ZNF385D: variants seen among roughly 807,000 people sequenced by gnomAD.
ZNF385D encodes the protein zinc finger protein 659.
A neutral mutation model predicts 35.8 loss-of-function variants in ZNF385D; 15 were observed. That is an observed-to-expected ratio of 0.42 (90% CI 0.28 to 0.64). The LOEUF is 0.64. ZNF385D is among the 30% of genes least tolerant of loss of function. The probability of loss-of-function intolerance (pLI) is 0.23; values close to 1 mark genes in which losing one functional copy is unlikely to be tolerated. For synonymous variants in ZNF385D, 212 were observed against 186.8 expected (o/e 1.13, Z -1.10); for missense variants, 474 against 494.6 (o/e 0.96, Z 0.39).
chr3:22,356,926 G>C (rs1260904203), intron 2 of ZNF385D, among the ~76,000 whole-genome samples: 2 of 151,858 alleles, frequency 1.3e-5, no homozygotes, highest in African/African-American at 4.8e-5. Flanking sequence ...ACTATTAAGT[G>C]AGTAAAACAT....
intron 3 of ZNF385D, among the ~76,000 whole-genome samples, chr3:22,130,008 T>C (rs1703679494): frequency 6.6e-6 from 1 of 152,118 alleles, no homozygotes; most frequent in Non-Finnish European, 1.5e-5. Context: ...TATTCAAGGC[T>C]CAAGGATTCT....
At chr3:21,874,209 A>G (rs971790292) in intron 3 of ZNF385D, among the ~76,000 whole-genome samples, 1 of 151,966 alleles carries the variant, frequency 6.6e-6, no homozygotes, top group Non-Finnish European at 1.5e-5. Flanking sequence ...AGTGTAAACA[A>G]TATTTCATTG....
chr3:22,358,396 GAACAAA>G (rs1696252841), intron 2 of ZNF385D, among the ~76,000 whole-genome samples: 1 of 151,840 alleles, frequency 6.6e-6, no homozygotes, highest in Non-Finnish European at 1.5e-5. Context: ...CTTCATTTTT[GAACAAA>G]ATGCAACTTT....
intron 3 of ZNF385D, among the ~76,000 whole-genome samples, chr3:22,032,910 G>T (rs1028076569): frequency 6.6e-6 from 1 of 152,102 alleles, no homozygotes; most frequent in African/African-American, 2.4e-5. Context: ...GCACAGAGAG[G>T]TAAAGTAACT....
intron 3 of ZNF385D, among the ~76,000 whole-genome samples, chr3:21,888,578 G>A (rs151269583): frequency 3.7e-4 from 57 of 152,124 alleles, no homozygotes; most frequent in African/African-American, 1.3e-3. Flanking sequence ...GTGTTGCTGC[G>A]GAAACAGAAG....
At chr3:22,179,229 C>T (rs1478466133) in intron 2 of ZNF385D, among the ~76,000 whole-genome samples, 1 of 152,096 alleles carries the variant, frequency 6.6e-6, no homozygotes, top group Non-Finnish European at 1.5e-5. Flanking sequence ...ATGGAATGGT[C>T]TTCCATTTGT....
chr3:21,824,533 T>G (rs1388207101), intron 3 of ZNF385D, among the ~76,000 whole-genome samples: 1 of 152,200 alleles, frequency 6.6e-6, no homozygotes, highest in African/African-American at 2.4e-5. Flanking sequence ...GCCTCATCTT[T>G]TCTTGTATAG....
At chr3:22,230,240 G>T (rs1698805965) in intron 2 of ZNF385D, among the ~76,000 whole-genome samples, 1 of 152,030 alleles carries the variant, frequency 6.6e-6, no homozygotes, top group Admixed American at 6.5e-5. Flanking sequence ...CAACAGAACT[G>T]ACCTAAACAT....
At chr3:21,875,003 T>C (rs1697889462) in intron 3 of ZNF385D, among the ~76,000 whole-genome samples, 1 of 152,020 alleles carries the variant, frequency 6.6e-6, no homozygotes, top group Non-Finnish European at 1.5e-5. Flanking sequence ...TTTATTTTGA[T>C]GTTATTTAAA....
chr3:21,781,027 C>T (rs2071468159), intron 3 of ZNF385D, among the ~76,000 whole-genome samples: 1 of 151,960 alleles, frequency 6.6e-6, no homozygotes, highest in Non-Finnish European at 1.5e-5. Flanking sequence ...TTTGGATCCC[C>T]CATAATTGAG....
chr3:21,855,333 C>G (rs1237653563), intron 3 of ZNF385D, among the ~76,000 whole-genome samples: 1 of 152,008 alleles, frequency 6.6e-6, no homozygotes, highest in African/African-American at 2.4e-5. Flanking sequence ...CTGGACCACA[C>G]AGGGAATTAA....
At chr3:22,201,676 T>C (rs1039835214) in intron 2 of ZNF385D, among the ~76,000 whole-genome samples, 15 of 152,036 alleles carry the variant, frequency 9.9e-5, no homozygotes, top group African/African-American at 3.6e-4. Flanking sequence ...TCACATTTTA[T>C]GCTGATACAT....
intron 2 of ZNF385D, among the ~76,000 whole-genome samples, chr3:21,586,015 TAAATATATTATA>T (rs1197144263): frequency 8.4e-6 from 1 of 119,386 alleles, no homozygotes; most frequent in African/African-American, 3.3e-5. Context: ...CAAAATTAAA[TAAATATATTATA>T]AATACAAATA....
chr3:22,146,088 T>A (rs1251510702), intron 3 of ZNF385D, among the ~76,000 whole-genome samples: 1 of 151,992 alleles, frequency 6.6e-6, no homozygotes, highest in Non-Finnish European at 1.5e-5. Flanking sequence ...GTGAACTGCA[T>A]CAAACACAAT....
chr3:21,961,643 AT>A (rs1377192345), intron 3 of ZNF385D: 1 of 152,116 alleles, frequency 6.6e-6, no homozygotes, highest in Admixed American at 6.6e-5. Flanking sequence ...TATTTCATTG[AT>A]TGTTACATTT....
At chr3:21,553,694 C>T (rs1393587886) in intron 3 of ZNF385D, among the ~76,000 whole-genome samples, 1 of 152,138 alleles carries the variant, frequency 6.6e-6, no homozygotes, top group African/African-American at 2.4e-5. Context: ...AAATTGGGGT[C>T]AATCCTCCCA....
At position 22,153,649 on chromosome 3, in the gene ZNF385D, A is replaced by T. The variant is rs1171479824; in HGVS notation, c.325+15168T>A. 2.6e-5 allele frequency among the ~76,000 whole-genome samples: 4 copies of T among 151,888 alleles called. No homozygotes were observed. In the East Asian group the frequency reaches 7.8e-4, roughly 29 times the overall value. Reference sequence around the variant, plus strand: ...CTGATGATTTTTGTATTTTTAGTAGAGATGGCATTTCACCATGTTGGTCAG... The same window carrying T: ...CTGATGATTTTTGTATTTTTAGTAGTGATGGCATTTCACCATGTTGGTCAG... On this transcript the variant is annotated intron_variant, in intron 3 of 5. Coordinates refer to the ZNF385D transcript ENST00000494108.
At chr3:22,356,405 A>G (rs1163870005) in intron 2 of ZNF385D, among the ~76,000 whole-genome samples, 1 of 151,946 alleles carries the variant, frequency 6.6e-6, no homozygotes, top group African/African-American at 2.4e-5. Flanking sequence ...AGCATTTTAC[A>G]GTGGGTATTT....
chr3:21,895,454 G>A (rs373640821), intron 3 of ZNF385D, among the ~76,000 whole-genome samples: 14 of 149,718 alleles, frequency 9.4e-5, no homozygotes, highest in Admixed American at 6.0e-4. Context: ...AGCCTCCTGA[G>A]AAGCTGGGGA....
Sources: allele counts gnomAD v4.1 joint callset (sites outside exome capture counted in the v4.1 genomes callset), GRCh38; gene constraint gnomAD v4.1.1; transcripts MANE v1.5; gene names NCBI Gene and HGNC (gene_info 2026-07-23, HGNC 2026-07-21).